AP3B1: variants seen among roughly 807,000 people sequenced by gnomAD.
AP3B1 encodes the protein AP-3 complex subunit beta-1.
In AP3B1, 61 loss-of-function variants were observed where a neutral mutation model predicts 132.5. The ratio of observed to expected loss-of-function variants is 0.46; its 90% CI spans 0.37 to 0.57. The LOEUF (loss-of-function observed/expected upper bound fraction) is 0.57. Among genes scored for constraint, AP3B1 ranks in the 20% least tolerant of loss-of-function variants. AP3B1 has a pLI of 0.00. For missense variants in AP3B1, 1,120 were observed against 1,289.4 expected, an observed-to-expected ratio of 0.87 and a Z score of 2.01; for synonymous variants, 388 against 438.3, an observed-to-expected ratio of 0.89 and a Z score of 1.43.
chr5:78,254,254 T>C (rs866106329), intron 2 of AP3B1, among the ~76,000 whole-genome samples: 3 of 151,974 alleles, frequency 2.0e-5, no homozygotes, highest in Middle Eastern at 3.2e-3. Context: ...TTATTGTCCT[T>C]AAAGGGAAGG....
chr5:78,294,342 T>G (rs1327718698), intron 1 of AP3B1, 110 bp downstream of exon 1: 1 of 1,528,236 alleles, frequency 6.5e-7, no homozygotes, highest in African/African-American at 1.4e-5. Context: ...CCTGCCCTGC[T>G]CAGACCTCAG....
chr5:78,265,128 A>C (rs968710570), intron 2 of AP3B1, among the ~76,000 whole-genome samples: 1 of 152,154 alleles, frequency 6.6e-6, no homozygotes, highest in African/African-American at 2.4e-5. Flanking sequence ...TATAACTTAA[A>C]ACGTTGGAAA....
Position 78,143,120 on chromosome 5 carries a change from T to C in AP3B1, c.1474-1801A>G, listed in dbSNP as rs552833525. Among the ~76,000 whole-genome samples, 4 of 152,216 alleles carry C rather than the reference T, an allele frequency of 2.6e-5. No homozygotes were observed. The South Asian group carries it at 6.2e-4, about 24-fold the overall frequency. On this transcript the variant is annotated intron_variant, in intron 14 of 26. Coordinates refer to ENST00000255194, the MANE Select transcript of AP3B1 (RefSeq NM_003664.5). ...AATATTTTATTATATATTGCTAGTA[T>C]AAAAATCAGAATTCTATGACATACC...
chr5:78,010,877 T>C (rs1010152065), intron 26 of AP3B1, among the ~76,000 whole-genome samples: 2 of 152,132 alleles, frequency 1.3e-5, no homozygotes. Context: ...CTCATTAAAA[T>C]AAATTTGAAT....
intron 3 of AP3B1, among the ~76,000 whole-genome samples, chr5:78,229,849 A>G (rs945937756): frequency 7.2e-5 from 11 of 152,348 alleles, no homozygotes; most frequent in African/African-American, 2.6e-4. Context: ...ATATAAAAAC[A>G]GTACTATACT....
At chr5:78,240,186 G>A (rs904495016) in intron 3 of AP3B1, among the ~76,000 whole-genome samples, 1 of 152,130 alleles carries the variant, frequency 6.6e-6, no homozygotes, top group African/African-American at 2.4e-5. Context: ...CAATAAAATG[G>A]CAAACAAATA....
intron 22 of AP3B1, among the ~76,000 whole-genome samples, chr5:78,065,015 G>T (rs1343012703): frequency 6.6e-6 from 1 of 152,150 alleles, no homozygotes; most frequent in Admixed American, 6.5e-5. Context: ...CTCTCACTGG[G>T]ACTGACTAGG....
Position 78,236,976 on chromosome 5 carries a change from A to C in AP3B1, c.279+3886T>G, listed in dbSNP as rs1580526866. Among the ~76,000 whole-genome samples, 6 of 152,214 alleles carry C rather than the reference A, an allele frequency of 3.9e-5. No individual in the cohort carries two copies. The South Asian group carries it at 1.0e-3, about 26-fold the overall frequency. On this transcript the variant is annotated intron_variant, in intron 3 of 26. Coordinates refer to ENST00000255194, the MANE Select transcript of AP3B1 (RefSeq NM_003664.5). ...GTGTTTAATAAATATCTACTAAATTAATCATAAGTAAAATTGATTTTACTC... is the reference window on the plus strand; with the variant it reads ...GTGTTTAATAAATATCTACTAAATTCATCATAAGTAAAATTGATTTTACTC...
intron 22 of AP3B1, chr5:78,043,739 G>C: frequency 2.5e-6 from 1 of 405,204 alleles, no homozygotes; most frequent in Admixed American, 2.8e-5. Flanking sequence ...TCTGCCACAA[G>C]GTAGGCAGAA....
chr5:78,273,650 C>A (rs1748649115), intron 1 of AP3B1, among the ~76,000 whole-genome samples: 1 of 152,070 alleles, frequency 6.6e-6, no homozygotes, highest in East Asian at 1.9e-4. Flanking sequence ...AGGCAAGACT[C>A]CAGGAAACAC....
chr5:78,084,192 T>C lies in AP3B1; in HGVS notation c.2577+5201A>G, dbSNP rs1313845209. Among the ~76,000 whole-genome samples, 5 of 152,112 alleles carry C rather than the reference T, an allele frequency of 3.3e-5. No individual in the cohort carries two copies. The South Asian group carries it at 1.0e-3, about 32-fold the overall frequency. ...TGCTCAATATCACCCAATTAATTAG[T>C]AGTGGTGATCTAGAAAGACAGATAT... is the stretch of plus-strand genomic sequence containing the variant. On this transcript the variant is annotated intron_variant, in intron 22 of 26. Coordinates refer to ENST00000255194, the MANE Select transcript of AP3B1 (RefSeq NM_003664.5).
At chr5:78,067,953 G>GA (rs113086510) in intron 22 of AP3B1, among the ~76,000 whole-genome samples, 11,655 of 141,636 alleles carry the variant, frequency 0.082, 1,454 homozygotes, top group African/African-American at 0.27. Context: ...AAAACCCTTC[G>GA]AAAAAAAAAA....
At position 78,106,153 on chromosome 5, in the gene AP3B1, T is replaced by C. The variant is rs535727352; in HGVS notation, c.2397+4054A>G. Among the ~76,000 whole-genome samples, 4 of 152,300 alleles carry C rather than the reference T, an allele frequency of 2.6e-5. No individual in the cohort carries two copies. The East Asian group carries it at 7.7e-4, about 29-fold the overall frequency. ...GTTAATAGAACCACAAATATTCCAC[T>C]GGGATTAGAATTTAGTGTGTGTGGC... On this transcript the variant is annotated intron_variant, in intron 20 of 26. Coordinates refer to ENST00000255194, the MANE Select transcript of AP3B1 (RefSeq NM_003664.5).
intron 19 of AP3B1, 25 bp from the exon 20 acceptor site, chr5:78,110,379 A>G (rs1446658200): frequency 1.3e-6 from 2 of 1,574,496 alleles, no homozygotes. Context: ...AAATTTTGAA[A>G]TATGAACTTT....
At chr5:78,162,733 A>T in intron 13 of AP3B1, 86 bp downstream of exon 13, 3 of 1,480,754 alleles carry the variant, frequency 2.0e-6, no homozygotes, top group Non-Finnish European at 2.8e-6. Flanking sequence ...CTAAAATGCA[A>T]AGTTAGAAAA....
Position 78,110,372 on chromosome 5 carries a change from T to C in AP3B1, c.2250-18A>G. Reference sequence around the variant, plus strand: ...CAGAATCACTACACATAATAGTAAATTTTGAAATATGAACTTTAACTCCTT... The same window carrying C: ...CAGAATCACTACACATAATAGTAAACTTTGAAATATGAACTTTAACTCCTT... On this transcript the variant is annotated intron_variant, in intron 19 of 26. Transcript: ENST00000255194. The C allele has an allele frequency of 1.3e-6, 2 of 1,587,802 alleles. No individual in the cohort carries two copies. The highest frequency in any genetic ancestry group is 1.7e-6 in the Non-Finnish European group (2 of 1,161,238).
intron 7 of AP3B1, among the ~76,000 whole-genome samples, chr5:78,192,048 C>G (rs1475118297): frequency 6.6e-6 from 1 of 151,732 alleles, no homozygotes; most frequent in African/African-American, 2.4e-5. Flanking sequence ...TTAGTAGAGA[C>G]AGGGTTTCTC....
At position 78,020,844 on chromosome 5, in the gene AP3B1, A is replaced by C. The variant is rs929892456; in HGVS notation, c.2895-55T>G. 4 of 1,383,848 alleles carry C rather than the reference A, an allele frequency of 2.9e-6. No individual in the cohort carries two copies. In the African/African-American group the frequency reaches 5.7e-5, roughly 20 times the overall value. The allele number at this position is 1,383,848 out of a possible 1,614,324, so 85.7% of individuals were successfully genotyped here. On this transcript the variant is annotated intron_variant, in intron 24 of 26. Transcript: ENST00000255194. Reference sequence around the variant, plus strand: ...TGCTTCATAAATAAACATTCTTAATACTAAGTAGTTAAATCAATGCAATGA... The same window carrying C: ...TGCTTCATAAATAAACATTCTTAATCCTAAGTAGTTAAATCAATGCAATGA...
Position 78,109,919 on chromosome 5 carries a change from T to G in AP3B1, c.2397+288A>C, listed in dbSNP as rs1036226173. On this transcript the variant is annotated intron_variant, in intron 20 of 26. Coordinates refer to ENST00000255194, the MANE Select transcript of AP3B1 (RefSeq NM_003664.5). ...TATGATGTATGTACACTTATAATTC[T>G]TTGCTCAATACTATTTTTGTGACTT... 2.6e-5 allele frequency among the ~76,000 whole-genome samples: 4 copies of G among 152,182 alleles called. No individual in the cohort carries two copies. The South Asian group carries it at 6.2e-4, about 24-fold the overall frequency.
Sources: gnomAD v4.1 joint callset for allele counts (sites outside exome capture counted in the v4.1 genomes callset) on GRCh38, gnomAD v4.1.1 for gene constraint, MANE v1.5 for transcripts, NCBI Gene and HGNC (gene_info 2026-07-23, HGNC 2026-07-21) for gene names.